The following NRXN1 variants were observed in gnomAD, a reference collection of about 807,000 sequenced individuals.
NRXN1 encodes neurexin 1, also known as neurexin-1.
Under a neutral mutation model 150.9 loss-of-function variants are expected in NRXN1, and 39 were observed. That is an observed-to-expected ratio of 0.26 (90% CI 0.20 to 0.34). The LOEUF is 0.34. Among genes scored for constraint, NRXN1 ranks in the 10% least tolerant of loss-of-function variants. The pLI, the probability that NRXN1 is intolerant of heterozygous loss-of-function variation, is 1.00. For synonymous variants in NRXN1, 924 were observed against 757.0 expected (o/e 1.22, Z -3.62); for missense variants, 1,815 against 1,949.9 (o/e 0.93, Z 1.30).
At chr2:50,275,849 T>C (rs534224656) in intron 17 of NRXN1, among the ~76,000 whole-genome samples, 14 of 152,198 alleles carry the variant, frequency 9.2e-5, no homozygotes, top group African/African-American at 1.9e-4. Context: ...ATAGTAAACA[T>C]AGCAGTGAAT....
chr2:49,935,644 T>C (rs968877894), intron 22 of NRXN1, among the ~76,000 whole-genome samples: 5 of 152,210 alleles, frequency 3.3e-5, no homozygotes, highest in African/African-American at 9.6e-5. Flanking sequence ...AATGAAAGCA[T>C]ATTGGCTCCT....
chr2:50,012,146 T>C (rs1345671319), intron 21 of NRXN1, among the ~76,000 whole-genome samples: 9 of 152,138 alleles, frequency 5.9e-5, no homozygotes, highest in Admixed American at 5.9e-4. Flanking sequence ...CAACCTAGAA[T>C]ATTTCATATT....
chr2:50,347,440 G>T lies in NRXN1; in HGVS notation c.3365-110470C>A. The stretch of plus-strand genomic sequence containing the variant: ...CGGGGACTAGGGAGGCCACTTCGCC[G>T]GCCCAACCTCCTTTCAAGACAGAAG... On this transcript the variant is annotated intron_variant, in intron 17 of 22. Coordinates refer to ENST00000401669, the MANE Select transcript of NRXN1 (RefSeq NM_001330078.2). The surrounding 1 kb of genome is among the most constrained non-coding windows in gnomAD (Gnocchi z 4.9). 8.8e-7 allele frequency: 1 copy of T among 1,139,006 alleles called. No individual in the cohort carries two copies. The highest frequency in any genetic ancestry group is 1.1e-6 in the Non-Finnish European group (1 of 916,002). 70.6% of individuals were successfully genotyped at this position (1,139,006 alleles called of 1,614,324 possible). A position where few individuals can be genotyped will look rare whatever the true frequency, so the allele number is the denominator to read the frequency against.
intron 17 of NRXN1, among the ~76,000 whole-genome samples, chr2:50,290,275 T>C (rs7586574): frequency 0.01 from 1,570 of 152,274 alleles, 20 homozygotes; most frequent in African/African-American, 0.035. Flanking sequence ...ACCCAATACT[T>C]CGCCTGAAAT....
intron 17 of NRXN1, among the ~76,000 whole-genome samples, chr2:50,344,035 C>G (rs1455746315): frequency 6.6e-6 from 1 of 152,072 alleles, no homozygotes; most frequent in East Asian, 1.9e-4. Flanking sequence ...TTCCTTTCAC[C>G]CTCATCTATT....
chr2:50,742,004 C>T (rs941262713), intron 5 of NRXN1, among the ~76,000 whole-genome samples: 1 of 151,748 alleles, frequency 6.6e-6, no homozygotes, highest in Non-Finnish European at 1.5e-5. Context: ...TACTTGCCAA[C>T]AAATATCAAT....
At chr2:50,120,701 A>T (rs370290904) in intron 18 of NRXN1, among the ~76,000 whole-genome samples, 144 of 152,278 alleles carry the variant, frequency 9.5e-4, no homozygotes, top group African/African-American at 3.3e-3. Flanking sequence ...TTTATTAAAT[A>T]TTGTCATCTT....
intron 5 of NRXN1, among the ~76,000 whole-genome samples, chr2:50,765,652 A>G (rs901954598): frequency 2.0e-5 from 3 of 152,094 alleles, no homozygotes; most frequent in Admixed American, 6.6e-5. Context: ...CAACATAGTC[A>G]ATTTGAAAAT....
intron 2 of NRXN1, among the ~76,000 whole-genome samples, chr2:50,969,391 C>A: frequency 6.6e-6 from 1 of 152,198 alleles, no homozygotes; most frequent in East Asian, 1.9e-4. Context: ...AATGTCATTA[C>A]ACATAGTAAA....
At chr2:50,423,032 G>A (rs2084122772) in intron 17 of NRXN1, among the ~76,000 whole-genome samples, 1 of 152,152 alleles carries the variant, frequency 6.6e-6, no homozygotes, top group African/African-American at 2.4e-5. Flanking sequence ...TCTCATCACA[G>A]TCTGGCATAA....
intron 5 of NRXN1, among the ~76,000 whole-genome samples, chr2:50,688,810 C>G (rs1189693047): frequency 6.6e-6 from 1 of 152,130 alleles, no homozygotes; most frequent in Non-Finnish European, 1.5e-5. Context: ...ATTATACCAT[C>G]AGTCCAAAAT....
intron 5 of NRXN1, among the ~76,000 whole-genome samples, chr2:50,816,126 A>C (rs770137428): frequency 5.3e-5 from 8 of 152,200 alleles, no homozygotes; most frequent in Non-Finnish European, 1.0e-4. Context: ...TTGTCTAAGA[A>C]CCAGAGCCCT....
At chr2:50,640,849 A>G (rs1398729144) in intron 5 of NRXN1, among the ~76,000 whole-genome samples, 1 of 152,126 alleles carries the variant, frequency 6.6e-6, no homozygotes, top group African/African-American at 2.4e-5. Flanking sequence ...TGCTTTAAGT[A>G]TTTCTGGTGA....
At chr2:50,055,426 A>C (rs1693448803) in intron 19 of NRXN1, among the ~76,000 whole-genome samples, 1 of 152,170 alleles carries the variant, frequency 6.6e-6, no homozygotes, top group African/African-American at 2.4e-5. Flanking sequence ...AAACAGGTTT[A>C]AGTTTTCAAA....
chr2:50,772,314 C>A (rs540752606), intron 5 of NRXN1, among the ~76,000 whole-genome samples: 1 of 151,250 alleles, frequency 6.6e-6, no homozygotes, highest in Non-Finnish European at 1.5e-5. Flanking sequence ...GGATGAGCTG[C>A]TGATAATAAA....
chr2:50,245,515 A>G (rs183917039), intron 17 of NRXN1, among the ~76,000 whole-genome samples: 22 of 152,060 alleles, frequency 1.4e-4, no homozygotes, highest in African/African-American at 5.3e-4. Flanking sequence ...AGGGATAGGA[A>G]GAAAAAGAAT....
At chr2:50,533,484 C>T (rs1048897000) in intron 10 of NRXN1, among the ~76,000 whole-genome samples, 3 of 152,160 alleles carry the variant, frequency 2.0e-5, no homozygotes, top group African/African-American at 7.2e-5. Context: ...CTCTTACTCT[C>T]TCTGCCATGT....
chr2:50,724,524 T>C (rs1697073669), intron 5 of NRXN1, among the ~76,000 whole-genome samples: 1 of 152,160 alleles, frequency 6.6e-6, no homozygotes. Flanking sequence ...CTGATGCATA[T>C]TAATGAATAA....
At chr2:50,502,625 G>A (rs2092008179) in intron 13 of NRXN1, among the ~76,000 whole-genome samples, 1 of 152,100 alleles carries the variant, frequency 6.6e-6, no homozygotes, top group East Asian at 1.9e-4. Flanking sequence ...GACATTACTG[G>A]GAGCCAGGAT....
Sources: gnomAD v4.1 joint callset for allele counts (sites outside exome capture counted in the v4.1 genomes callset) on GRCh38, gnomAD v4.1.1 for gene constraint, Gnocchi (gnomAD v3.1) non-coding constraint, MANE v1.5 for transcripts, NCBI Gene and HGNC (gene_info 2026-07-23, HGNC 2026-07-21) for gene names.